The following C1GALT1 variants were observed in gnomAD, a reference collection of about 807,000 sequenced individuals.
The protein encoded by C1GALT1 is core 1 synthase, glycoprotein-N-acetylgalactosamine 3-beta-galactosyltransferase 1, also known as glycoprotein-N-acetylgalactosamine 3-beta-galactosyltransferase 1.
A neutral mutation model predicts 31.0 loss-of-function variants in C1GALT1; 11 were observed. The observed-to-expected ratio is 0.36, with a 90% CI of 0.22 to 0.59. The LOEUF is 0.59. Among genes scored for constraint, C1GALT1 ranks in the 20% least tolerant of loss-of-function variants. C1GALT1 has a pLI of 0.79. For missense variants in C1GALT1, 424 were observed against 425.2 expected, an observed-to-expected ratio of 1.00 and a Z score of 0.03; for synonymous variants, 175 against 143.6, an observed-to-expected ratio of 1.22 and a Z score of -1.56.
At position 7,238,643 on chromosome 7, in the gene C1GALT1, G is replaced by A. The variant is rs141246300; in HGVS notation, c.609G>A (p.Lys203=). The part of the protein sequence containing the change: ...YFGRRFKPYV[K]QGYMSGGAGY... Reference sequence around the variant, plus strand: ...GGAGAAGATTTAAGCCTTATGTAAAGCAGGGCTACATGAGTGGAGGAGCAG... The same window carrying A: ...GGAGAAGATTTAAGCCTTATGTAAAACAGGGCTACATGAGTGGAGGAGCAG... The change falls in exon 3 of 4, where the codon AAG becomes AAA. Residue 203 remains lysine, a synonymous_variant. Transcript: ENST00000436587. The surrounding 1 kb of genome is among the most constrained non-coding windows in gnomAD (Gnocchi z 5.2). 4.3e-6 allele frequency: 7 copies of A among 1,614,084 alleles called. No homozygotes were observed. The highest frequency in any genetic ancestry group is 5.9e-6 in the Non-Finnish European group (7 of 1,179,966).
chr7:7,221,731 C>G (rs1444752744), intron 1 of C1GALT1, among the ~76,000 whole-genome samples: 1 of 152,194 alleles, frequency 6.6e-6, no homozygotes, highest in Non-Finnish European at 1.5e-5. Context: ...TAAACTGTAG[C>G]AGATGATGCC....
intron 1 of C1GALT1, among the ~76,000 whole-genome samples, chr7:7,206,791 C>T (rs1436831915): frequency 6.6e-6 from 1 of 150,440 alleles, no homozygotes; most frequent in Non-Finnish European, 1.5e-5. Flanking sequence ...ATTATATTGG[C>T]CTATGCCTTC....
At chr7:7,179,360 A>G (rs996144324), upstream of C1GALT1, among the ~76,000 whole-genome samples, 1 of 152,054 alleles carries the variant, frequency 6.6e-6, no homozygotes, top group Non-Finnish European at 1.5e-5. Flanking sequence ...ATTTGTGAAC[A>G]TATTTTAATA....
At chr7:7,204,078 A>G (rs1781629264) in intron 1 of C1GALT1, among the ~76,000 whole-genome samples, 2 of 148,660 alleles carry the variant, frequency 1.3e-5, no homozygotes, top group African/African-American at 2.5e-5. Flanking sequence ...ATAAGTCAGG[A>G]AGTGTTCCCT....
rs1189027615 is a variant in C1GALT1, at chr7:7,232,505, T to G, written c.-17-1798T>G. On this transcript the variant is annotated intron_variant, in intron 1 of 3. Transcript: ENST00000436587. The stretch of plus-strand genomic sequence containing the variant: ...GTGGGTTTTTTTTTTTTGTTTTTTT[T>G]TTTTTGAGACAGAGTCTTGCTCTGT... 4.1e-5 allele frequency among the ~76,000 whole-genome samples: 6 copies of G among 145,986 alleles called. No individual in the cohort carries two copies. In the East Asian group the frequency reaches 9.1e-4, roughly 22 times the overall value.
At position 7,234,400 on chromosome 7, in the gene C1GALT1, T is replaced by G. The variant is rs1783238836; in HGVS notation, c.81T>G (p.Phe27Leu). 6.2e-6 allele frequency: 10 copies of G among 1,613,978 alleles called. No individual in the cohort carries two copies. The highest frequency in any genetic ancestry group is 8.5e-6 in the Non-Finnish European group (10 of 1,179,888). ...GATTTCTTTTATGTTCTCAGCTATT[T>G]AGTATTTTGTTGGGAGAAAAGGTTG... ...AIGFLLCSQL[F>L]SILLGEKVDT... is the part of the protein sequence containing the mutation. The change falls in exon 2 of 4, where the codon TTT becomes TTG. Residue 27 changes from phenylalanine to leucine, a missense_variant. Physicochemically the swap from Phe to Leu is conservative, Grantham distance 22. Coordinates refer to ENST00000436587, the MANE Select transcript of C1GALT1 (RefSeq NM_020156.5).
In C1GALT1 at chr7:7,199,414, A is replaced by C. The variant is rs184217745; in HGVS notation, c.-18+16594A>C. Among the ~76,000 whole-genome samples the C allele has an allele frequency of 3.8e-3, 585 of 152,178 alleles. 2 individuals are homozygous for C. The highest frequency in any genetic ancestry group is 0.017 in the Middle Eastern group (5 of 294). ...TGTGGTCTGAGAGACAGTTTGTTAT[A>C]ATTTCTGTTCTTTTACATTTGCTGA... On this transcript the variant is annotated intron_variant, in intron 1 of 3. Transcript: ENST00000436587.
At chr7:7,174,903 C>T (rs566840435) in intron 2 of C1GALT1, among the ~76,000 whole-genome samples, 1 of 152,138 alleles carries the variant, frequency 6.6e-6, no homozygotes, top group South Asian at 2.1e-4. Flanking sequence ...GCATTTTGAG[C>T]ATATTTAAGA....
chr7:7,200,987 G>T (rs1781508149), intron 1 of C1GALT1, among the ~76,000 whole-genome samples: 1 of 152,202 alleles, frequency 6.6e-6, no homozygotes, highest in Non-Finnish European at 1.5e-5. Context: ...ATTGTCTGAA[G>T]CCTTCTTCTC....
chr7:7,222,852 AT>A (rs2128243171), intron 1 of C1GALT1, among the ~76,000 whole-genome samples: 1 of 152,332 alleles, frequency 6.6e-6, no homozygotes, highest in South Asian at 2.1e-4. Context: ...AATAAAGTAA[AT>A]ATGCCAAATT....
chr7:7,178,271 CAG>C (rs1195388560), upstream of C1GALT1: 2 of 232,180 alleles, frequency 8.6e-6, no homozygotes, highest in South Asian at 1.6e-4. Flanking sequence ...GAAAATGTTG[CAG>C]AGAGAGTCAT....
At chr7:7,176,144 C>A (rs1165440701) in intron 2 of C1GALT1, among the ~76,000 whole-genome samples, 6 of 152,056 alleles carry the variant, frequency 3.9e-5, no homozygotes, top group African/African-American at 1.4e-4. Flanking sequence ...AGTATTTGCC[C>A]AAGTTCTGTG....
intron 1 of C1GALT1, among the ~76,000 whole-genome samples, chr7:7,207,271 G>A (rs759365946): frequency 8.1e-5 from 12 of 147,290 alleles, no homozygotes; most frequent in Middle Eastern, 3.6e-3. Flanking sequence ...TGTACTTTTC[G>A]GCTTCAGAAT....
At chr7:7,221,814 G>C (rs1366885817) in intron 1 of C1GALT1, among the ~76,000 whole-genome samples, 1 of 152,138 alleles carries the variant, frequency 6.6e-6, no homozygotes, top group East Asian at 1.9e-4. Context: ...TCAACATCTA[G>C]CTCCTAAGGC....
In C1GALT1 at chr7:7,234,293, G is replaced by GTTCT. The variant is rs1168230278; in HGVS notation, c.-17-8_-17-5dup. On this transcript the variant is annotated splice_polypyrimidine_tract_variant and intron_variant, in intron 1 of 3. Coordinates refer to ENST00000436587, the MANE Select transcript of C1GALT1 (RefSeq NM_020156.5). ...ATTTTATAACATCCTGCTAATTTTT[G>GTTCT]TTCTTACAGAAATACACTTTCGGGA... 3 of 1,592,800 alleles carry GTTCT rather than the reference G, an allele frequency of 1.9e-6. No homozygotes were observed. The highest frequency in any genetic ancestry group is 2.6e-6 in the Non-Finnish European group (3 of 1,163,720).
intron 1 of C1GALT1, among the ~76,000 whole-genome samples, chr7:7,220,693 T>G (rs1782470542): frequency 6.6e-6 from 1 of 151,172 alleles, no homozygotes. Flanking sequence ...AGCTGATTTT[T>G]GTATTTTTAG....
Position 7,238,194 on chromosome 7 carries a change from T to C in C1GALT1, c.221-61T>C. The C allele has an allele frequency of 1.4e-6, 2 of 1,395,248 alleles. No homozygotes were observed. Among genetic ancestry groups the C allele is most frequent in the Non-Finnish European group, 1.9e-6 (2 of 1,030,956 alleles). The allele number at this position is 1,395,248 out of a possible 1,614,324, so 86.4% of individuals were successfully genotyped here. A position where few individuals can be genotyped will look rare whatever the true frequency, so the allele number is the denominator to read the frequency against. ...TAGGACAGTGCTTTCTTCAGTATAA[T>C]TTATTAATATTTGGATTTTACATCT... On this transcript the variant is annotated intron_variant, in intron 2 of 3. Coordinates refer to ENST00000436587, the MANE Select transcript of C1GALT1 (RefSeq NM_020156.5). The surrounding 1 kb of genome is among the most constrained non-coding windows in gnomAD (Gnocchi z 5.2).
At chr7:7,222,127 C>A (rs992906270) in intron 1 of C1GALT1, among the ~76,000 whole-genome samples, 1 of 152,192 alleles carries the variant, frequency 6.6e-6, no homozygotes, top group Non-Finnish European at 1.5e-5. Context: ...AGCACCTCAT[C>A]TTAGAGCTTA....
In C1GALT1 at chr7:7,243,780, G is replaced by T. The variant is rs1255532687; in HGVS notation, c.*53G>T. ...TATGTCTAGCACTGCACTGAAAAAG[G>T]ACTTCTGCATTTCTGACATAGAACA... On this transcript the variant is annotated 3_prime_UTR_variant, in exon 4 of 4. Transcript: ENST00000436587. The T allele has an allele frequency of 3.8e-6, 5 of 1,314,708 alleles. No individual in the cohort carries two copies. The Admixed American group carries it at 1.2e-4, about 32-fold the overall frequency. 81.4% of individuals were successfully genotyped at this position (1,314,708 alleles called of 1,614,324 possible).
Sources: gnomAD v4.1 joint callset for allele counts (sites outside exome capture counted in the v4.1 genomes callset) on GRCh38, gnomAD v4.1.1 for gene constraint, Gnocchi (gnomAD v3.1) non-coding constraint, MANE v1.5 for transcripts, NCBI Gene and HGNC (gene_info 2026-07-23, HGNC 2026-07-21) for gene names.